Variants in TPTE2 observed in about 807,000 individuals in gnomAD.
TPTE2 encodes transmembrane phosphoinositide 3-phosphatase and tensin homolog 2.
In TPTE2, 53 loss-of-function variants were observed where a neutral mutation model predicts 78.6. The ratio of observed to expected loss-of-function variants is 0.67; its 90% CI spans 0.54 to 0.85. The LOEUF is 0.85. Ranked by LOEUF, TPTE2 falls within the 40% of genes least tolerant of loss-of-function variation. The pLI, the probability that TPTE2 is intolerant of heterozygous loss-of-function variation, is 0.00. For missense variants in TPTE2, 461 were observed against 623.0 expected (o/e 0.74, Z 2.77); for synonymous variants, 175 against 206.2 (o/e 0.85, Z 1.30).
intron 4 of TPTE2, among the ~76,000 whole-genome samples, chr13:19,476,011 TCA>T (rs1477785481): frequency 6.6e-6 from 1 of 152,168 alleles, no homozygotes; most frequent in Non-Finnish European, 1.5e-5. Flanking sequence ...TGGCCAGATC[TCA>T]GTTTCCACTG....
intron 1 of TPTE2, among the ~76,000 whole-genome samples, chr13:19,521,095 A>G (rs958671536): frequency 6.6e-6 from 1 of 151,990 alleles, no homozygotes; most frequent in Non-Finnish European, 1.5e-5. Context: ...AATGCTATAG[A>G]TATCTGTTAA....
At chr13:19,464,317 G>T (rs939759009) in intron 10 of TPTE2, 139 bp downstream of exon 13, 4 of 876,160 alleles carry the variant, frequency 4.6e-6, no homozygotes, top group African/African-American at 1.7e-5. Context: ...ATTGTAACTG[G>T]TATCAATCCA....
chr13:19,547,720 C>CATACATACATATATAT, the TPTE2 span, among the ~76,000 whole-genome samples: 1 of 118,848 alleles, frequency 8.4e-6, no homozygotes, highest in Non-Finnish European at 1.8e-5. Flanking sequence ...AATAAATATA[C>CATACATACATATATAT]ATATATATAT....
chr13:19,462,287 T>C (rs1446698059), intron 10 of TPTE2, among the ~76,000 whole-genome samples: 1 of 152,168 alleles, frequency 6.6e-6, no homozygotes, highest in East Asian at 1.9e-4. Context: ...GTCAGTCTAG[T>C]GGGAATGAAT....
At chr13:19,559,762 A>C in the TPTE2 span, among the ~76,000 whole-genome samples, 4 of 115,608 alleles carry the variant, frequency 3.5e-5, no homozygotes, top group Admixed American at 1.9e-4. Context: ...GGCCCCCTAC[A>C]CTCTTGGGGC....
At chr13:19,450,422 AT>A (rs1878105178) in intron 11 of TPTE2, 78 bp from the exon 15 acceptor site, 1 of 1,317,972 alleles carries the variant, frequency 7.6e-7, no homozygotes. Flanking sequence ...AAGTTAACAT[AT>A]CTTATTAGAA....
At chr13:19,506,929 GGAA>G (rs1472499786), upstream of TPTE2, among the ~76,000 whole-genome samples, 2 of 152,308 alleles carry the variant, frequency 1.3e-5, no homozygotes, top group East Asian at 1.9e-4. Context: ...AACTCAGCTA[GGAA>G]GAAGAAGTAG....
chr13:19,518,454 CAG>C (rs1357277975), intron 1 of TPTE2, among the ~76,000 whole-genome samples: 4 of 152,184 alleles, frequency 2.6e-5, no homozygotes, highest in Non-Finnish European at 5.9e-5. Flanking sequence ...AATATGTGAA[CAG>C]ATACTTCACT....
chr13:19,496,732 C>T (rs1267622457), intron 1 of TPTE2, among the ~76,000 whole-genome samples: 1 of 152,214 alleles, frequency 6.6e-6, no homozygotes, highest in East Asian at 1.9e-4. Context: ...TTCTGTCAAT[C>T]TGGTACGCTC....
At chr13:19,453,538 C>CATATATATATATATATATATATATATAT (rs56140648) in intron 10 of TPTE2, among the ~76,000 whole-genome samples, 7 of 140,180 alleles carry the variant, frequency 5.0e-5, no homozygotes, top group African/African-American at 1.4e-4. Flanking sequence ...ATTTTATAAT[C>CATATATATATATATATATATATATATAT]ATATATATAT....
At position 19,438,157 on chromosome 13, in the gene TPTE2, G is replaced by C; in HGVS notation, c.974-4C>G. ...CAAACCATAGTCCCGGTTCTTCCTAGAAAAGAAAAGAAGTTAGTTCAAGAA... is the reference window on the plus strand; with the variant it reads ...CAAACCATAGTCCCGGTTCTTCCTACAAAAGAAAAGAAGTTAGTTCAAGAA... On this transcript the variant is annotated splice_polypyrimidine_tract_variant and splice_region_variant and intron_variant, in intron 13 of 19. Transcript: ENST00000400230. 6.2e-7 allele frequency: 1 copy of C among 1,607,008 alleles called. No homozygotes were observed. The highest frequency in any genetic ancestry group is 8.5e-7 in the Non-Finnish European group (1 of 1,175,938).
At chr13:19,506,145 T>C (rs1250164496), upstream of TPTE2, among the ~76,000 whole-genome samples, 1 of 139,386 alleles carries the variant, frequency 7.2e-6, no homozygotes, top group Non-Finnish European at 1.6e-5. Flanking sequence ...TATATACACT[T>C]ACGTGTATAT....
At chr13:19,547,034 G>C in the TPTE2 span, among the ~76,000 whole-genome samples, 1 of 150,414 alleles carries the variant, frequency 6.6e-6, no homozygotes, top group Non-Finnish European at 1.5e-5. Flanking sequence ...CATTACCAAG[G>C]ATAGCCCTCC....
At chr13:19,436,258 T>C (rs1308005544) in exon 15 of TPTE2, 6 of 1,613,170 alleles carry the variant, frequency 3.7e-6, no homozygotes, top group Non-Finnish European at 5.1e-6. Context: ...TGAAATTTAT[T>C]GCTGTGGGTT....
At chr13:19,502,342 T>C (rs1281774020) in intron 1 of TPTE2, among the ~76,000 whole-genome samples, 1 of 151,140 alleles carries the variant, frequency 6.6e-6, no homozygotes, top group Non-Finnish European at 1.5e-5. Flanking sequence ...TAAAGACACA[T>C]GCACACGTAT....
chr13:19,518,889 A>G (rs561694554), intron 1 of TPTE2, among the ~76,000 whole-genome samples: 1 of 152,326 alleles, frequency 6.6e-6, no homozygotes, highest in Admixed American at 6.5e-5. Flanking sequence ...AGAAAATCAC[A>G]GTTTACCTGA....
intron 4 of TPTE2, among the ~76,000 whole-genome samples, chr13:19,477,053 T>C (rs1207622270): frequency 1.3e-5 from 2 of 152,202 alleles, no homozygotes; most frequent in Non-Finnish European, 2.9e-5. Flanking sequence ...TGAGATCATG[T>C]ATTTTGTGGG....
exon 9 of TPTE2, chr13:19,465,317 A>C (rs763535951): frequency 6.8e-6 from 11 of 1,613,744 alleles, no homozygotes; most frequent in African/African-American, 1.3e-5. Context: ...GTTTTCTGAA[A>C]CCTGAGAGTT....
At chr13:19,513,735 A>G (rs932788660) in intron 1 of TPTE2, among the ~76,000 whole-genome samples, 1 of 152,194 alleles carries the variant, frequency 6.6e-6, no homozygotes, top group Non-Finnish European at 1.5e-5. Flanking sequence ...GACTCTCAAA[A>G]AAGTTTAATG....
Sources: gnomAD v4.1 joint callset for allele counts (sites outside exome capture counted in the v4.1 genomes callset) on GRCh38, gnomAD v4.1.1 for gene constraint, MANE v1.5 for transcripts, NCBI Gene and HGNC (gene_info 2026-07-23, HGNC 2026-07-21) for gene names.